Variants in SMARCC1 observed in about 807,000 individuals in gnomAD.
The protein encoded by SMARCC1 is SWI/SNF complex subunit SMARCC1.
SMARCC1 carries 43 observed loss-of-function variants against 147.4 expected under a neutral mutation model. The observed-to-expected ratio is 0.29, with a 90% confidence interval of 0.23 to 0.38. The LOEUF (loss-of-function observed/expected upper bound fraction) is 0.38, where lower values mean the gene tolerates loss of function less well. SMARCC1 is among the 10% of genes least tolerant of loss of function. SMARCC1 has a pLI of 1.00. For missense variants in SMARCC1, 1,119 were observed against 1,381.1 expected, an observed-to-expected ratio of 0.81 and a Z score of 3.01; for synonymous variants, 495 against 484.4, an observed-to-expected ratio of 1.02 and a Z score of -0.29.
intron 2 of SMARCC1, among the ~76,000 whole-genome samples, chr3:47,768,147 T>C (rs1281129920): frequency 6.6e-6 from 1 of 152,162 alleles, no homozygotes; most frequent in Non-Finnish European, 1.5e-5. Context: ...TAAACTCTTA[T>C]ACCATACTGA....
At chr3:47,733,139 A>C (rs142116473) in intron 5 of SMARCC1, among the ~76,000 whole-genome samples, 1 of 152,190 alleles carries the variant, frequency 6.6e-6, no homozygotes, top group Non-Finnish European at 1.5e-5. Flanking sequence ...AAAAACTAAA[A>C]AAGTTTGAAA....
chr3:47,774,789 C>T (rs1238578390), intron 1 of SMARCC1, among the ~76,000 whole-genome samples: 3 of 151,906 alleles, frequency 2.0e-5, no homozygotes, highest in Admixed American at 2.0e-4. Context: ...AACTAGCAAG[C>T]CTAGTTTTTG....
At chr3:47,726,479 T>C (rs1194316281) in intron 6 of SMARCC1, among the ~76,000 whole-genome samples, 1 of 152,196 alleles carries the variant, frequency 6.6e-6, no homozygotes, top group Non-Finnish European at 1.5e-5. Flanking sequence ...TTGCTTTCTG[T>C]TAAGACGGTA....
At chr3:47,670,507 C>CT (rs2033480349) in intron 19 of SMARCC1, 151 bp downstream of exon 19, 3 of 629,116 alleles carry the variant, frequency 4.8e-6, no homozygotes, top group Non-Finnish European at 8.7e-6. Context: ...TCGCCTGAGC[C>CT]TGGGAGGTAG....
intron 19 of SMARCC1, among the ~76,000 whole-genome samples, chr3:47,668,253 T>A (rs2033449190): frequency 6.6e-6 from 1 of 152,170 alleles, no homozygotes; most frequent in Non-Finnish European, 1.5e-5. Flanking sequence ...TTTATAGGCC[T>A]ACTCATTCTA....
intron 17 of SMARCC1, 121 bp from the exon 18 acceptor site, chr3:47,675,709 A>C (rs961421900): frequency 1.3e-5 from 7 of 541,388 alleles, no homozygotes; most frequent in Middle Eastern, 5.0e-4. Flanking sequence ...GCACTTTGGG[A>C]GGCCGAGGCA....
At chr3:47,677,242 G>A (rs984348683) in intron 16 of SMARCC1, among the ~76,000 whole-genome samples, 5 of 152,054 alleles carry the variant, frequency 3.3e-5, no homozygotes, top group Non-Finnish European at 7.4e-5. Context: ...TGGGATTACA[G>A]GTGACCATCA....
intron 24 of SMARCC1, 67 bp from the exon 25 acceptor site, chr3:47,622,408 G>A: frequency 7.0e-7 from 1 of 1,431,442 alleles, no homozygotes; most frequent in Non-Finnish European, 9.8e-7. Context: ...AGAAAATGCT[G>A]ACAATATTCA....
chr3:47,729,695 T>G (rs536655957), intron 5 of SMARCC1, among the ~76,000 whole-genome samples: 81 of 152,326 alleles, frequency 5.3e-4, no homozygotes, highest in African/African-American at 1.8e-3. Flanking sequence ...CAGGTACTAT[T>G]ACTTCTTAAA....
chr3:47,663,783 C>T lies in SMARCC1; in HGVS notation c.1900-1191G>A, dbSNP rs1249381944. Reference sequence around the variant, plus strand: ...GTACCCATAGGTTGCCTGGCCACGGCGGCCGCCCTCACCTACAGCCTCTAT... The same window carrying T: ...GTACCCATAGGTTGCCTGGCCACGGTGGCCGCCCTCACCTACAGCCTCTAT... On this transcript the variant is annotated intron_variant, in intron 19 of 27. Transcript: ENST00000254480. The T allele has an allele frequency of 2.9e-5, 45 of 1,576,322 alleles. 1 individual carries two copies. In the Admixed American group the frequency reaches 4.8e-4, roughly 17 times the overall value.
At position 47,635,362 on chromosome 3, in the gene SMARCC1, CTT is replaced by C; in HGVS notation, c.2492-20_2492-19del. 1.2e-6 allele frequency: 2 copies of C among 1,607,654 alleles called. No homozygotes were observed. Among genetic ancestry groups the C allele is most frequent in the Non-Finnish European group, 8.5e-7 (1 of 1,179,310 alleles). On this transcript the variant is annotated intron_variant, in intron 23 of 27. Transcript: ENST00000254480. ...CTTTTCTTCTGAAAATATCAGAAAG[CTT>C]TGTTACTAGCGTGCCCACTCTCGAA...
At position 47,781,800 on chromosome 3, in the gene SMARCC1, T is replaced by C; in HGVS notation, c.-3A>G. ...CCGCCGCCCGCCGCTGCGGCCATCG[T>C]CGCAGCCCGTCGTCCCCACAGCCTG... On this transcript the variant is annotated 5_prime_UTR_variant, in exon 1 of 28. Coordinates refer to ENST00000254480, the MANE Select transcript of SMARCC1 (RefSeq NM_003074.4). 4.2e-6 allele frequency: 6 copies of C among 1,425,194 alleles called. No individual in the cohort carries two copies. The highest frequency in any genetic ancestry group is 5.5e-6 in the Non-Finnish European group (6 of 1,090,576). 88.3% of individuals were successfully genotyped at this position (1,425,194 alleles called of 1,614,324 possible). A position where few individuals can be genotyped will look rare whatever the true frequency, so the allele number is the denominator to read the frequency against.
At chr3:47,672,148 C>T (rs1473358754) in intron 18 of SMARCC1, among the ~76,000 whole-genome samples, 1 of 151,870 alleles carries the variant, frequency 6.6e-6, no homozygotes, top group Admixed American at 6.6e-5. Context: ...TACAGTATGG[C>T]TTTGTGAGAA....
intron 20 of SMARCC1, 80 bp from the exon 21 acceptor site, chr3:47,661,535 C>T (rs1008922164): frequency 2.4e-5 from 27 of 1,132,410 alleles, no homozygotes; most frequent in African/African-American, 3.1e-5. Flanking sequence ...ACCAGGAAAC[C>T]CAACACAGTA....
At chr3:47,761,571 T>C (rs1195473893) in intron 2 of SMARCC1, among the ~76,000 whole-genome samples, 1 of 151,890 alleles carries the variant, frequency 6.6e-6, no homozygotes, top group Non-Finnish European at 1.5e-5. Context: ...CCCTGCTAGA[T>C]TGGACCTGAT....
chr3:47,722,746 T>C (rs1445607170), intron 6 of SMARCC1, among the ~76,000 whole-genome samples: 1 of 152,230 alleles, frequency 6.6e-6, no homozygotes, highest in East Asian at 1.9e-4. Flanking sequence ...GAAGTATGGC[T>C]GAATGACAAA....
intron 6 of SMARCC1, 58 bp downstream of exon 6, chr3:47,728,967 T>C: frequency 9.2e-7 from 1 of 1,092,108 alleles, no homozygotes; most frequent in Non-Finnish European, 1.4e-6. Context: ...GGGTATGACA[T>C]AAAATCCATT....
At chr3:47,711,990 T>C (rs1250137428) in intron 8 of SMARCC1, among the ~76,000 whole-genome samples, 1 of 152,138 alleles carries the variant, frequency 6.6e-6, no homozygotes. Context: ...CCCAGCACTT[T>C]GGGAGGCTGA....
chr3:47,635,765 A>G (rs1410053767), intron 23 of SMARCC1, among the ~76,000 whole-genome samples: 1 of 152,230 alleles, frequency 6.6e-6, no homozygotes, highest in African/African-American at 2.4e-5. Flanking sequence ...GACACAGAAA[A>G]TGAAATGGGA....
Sources: gnomAD v4.1 joint callset for allele counts (sites outside exome capture counted in the v4.1 genomes callset) on GRCh38, gnomAD v4.1.1 for gene constraint, MANE v1.5 for transcripts, NCBI Gene and HGNC (gene_info 2026-07-23, HGNC 2026-07-21) for gene names.